The following PLEK2 variants were observed in gnomAD, a reference collection of about 807,000 sequenced individuals.
PLEK2 encodes pleckstrin 2.
PLEK2 carries 29 observed loss-of-function variants against 43.8 expected under a neutral mutation model. The ratio of observed to expected loss-of-function variants is 0.66; its 90% CI spans 0.49 to 0.90. The LOEUF is 0.90. Ranked by LOEUF, PLEK2 falls within the 40% of genes least tolerant of loss-of-function variation. PLEK2 has a pLI of 0.00. For missense variants in PLEK2, 398 were observed against 448.1 expected, an observed-to-expected ratio of 0.89 and a Z score of 1.01; for synonymous variants, 162 against 173.2, an observed-to-expected ratio of 0.94 and a Z score of 0.51.
rs752820733 is a variant in PLEK2 at position 67,392,680 on chromosome 14, G to A, written c.651C>T (p.Ser217=). 10 of 1,613,966 alleles carry A rather than the reference G, an allele frequency of 6.2e-6. No individual in the cohort carries two copies. The highest frequency in any genetic ancestry group is 7.6e-6 in the Non-Finnish European group (9 of 1,179,834). The part of the protein sequence containing the change: ...GDLAEQFLDD[S]TALYTFAESY... Reference sequence around the variant, plus strand: ...AACTTACAAAAGTGTACAGGGCTGTGGAGTCATCCAGGAACTGCTCGGCCA... The same window carrying A: ...AACTTACAAAAGTGTACAGGGCTGTAGAGTCATCCAGGAACTGCTCGGCCA... Residue 217 remains serine, a synonymous_variant, in exon 5 of 9, where the codon TCC becomes TCT. Transcript: ENST00000216446.
chr14:67,411,340 T>C (rs898378967), intron 1 of PLEK2, among the ~76,000 whole-genome samples: 3 of 152,102 alleles, frequency 2.0e-5, no homozygotes, highest in African/African-American at 7.2e-5. Flanking sequence ...TCCCAGCTAT[T>C]ACTGGCTCTG....
chr14:67,396,911 T>C (rs2086014514), intron 2 of PLEK2, among the ~76,000 whole-genome samples: 1 of 152,170 alleles, frequency 6.6e-6, no homozygotes, highest in Non-Finnish European at 1.5e-5. Flanking sequence ...TCTTGGCACA[T>C]GATGGGCCCT....
intron 7 of PLEK2, among the ~76,000 whole-genome samples, chr14:67,389,926 T>G (rs963098681): frequency 1.5e-4 from 23 of 152,200 alleles, no homozygotes; most frequent in African/African-American, 5.3e-4. Context: ...TTTTGGAGGC[T>G]CCTCCTGCCA....
Position 67,392,763 on chromosome 14 carries a change from C to G in PLEK2, c.568G>C (p.Glu190Gln). The G allele has an allele frequency of 1.2e-6, 2 of 1,614,052 alleles. No individual in the cohort carries two copies. Among genetic ancestry groups the G allele is most frequent in the Non-Finnish European group, 1.7e-6 (2 of 1,179,902 alleles). Residue 190 changes from glutamate (E) to glutamine (Q), a missense_variant, in exon 5 of 9, where the codon GAG (glutamate) becomes CAG (glutamine). Physicochemically the swap from Glu to Gln is conservative, Grantham distance 29. Transcript: ENST00000216446. ...ACACCCACAGGCCTGAGGAAGTTCT[C>G]CTCCATGAGCATGGAGGCCAGGGTC... Reference protein sequence around the residue: ...AVTLASMLMEENFLRPVGVRS... With the variant: ...AVTLASMLMEQNFLRPVGVRS...
chr14:67,390,420 TAA>T (rs2085957753), intron 7 of PLEK2, among the ~76,000 whole-genome samples: 1 of 152,092 alleles, frequency 6.6e-6, no homozygotes, highest in Non-Finnish European at 1.5e-5. Context: ...CTGAAAATGA[TAA>T]AGATGCCCTC....
chr14:67,397,515 T>C (rs1415192749), intron 2 of PLEK2, 147 bp downstream of exon 2: 29 of 629,860 alleles, frequency 4.6e-5, no homozygotes, highest in Non-Finnish European at 7.6e-5. Flanking sequence ...CTCACATACC[T>C]GGTATGTGGC....
At chr14:67,402,347 G>C (rs2086054164) in intron 1 of PLEK2, among the ~76,000 whole-genome samples, 1 of 151,978 alleles carries the variant, frequency 6.6e-6, no homozygotes, top group Non-Finnish European at 1.5e-5. Context: ...TTTTGATACA[G>C]GCATACATTG....
intron 1 of PLEK2, among the ~76,000 whole-genome samples, chr14:67,404,613 C>T (rs2086067492): frequency 6.6e-6 from 1 of 151,912 alleles, no homozygotes; most frequent in Non-Finnish European, 1.5e-5. Context: ...ACTTCAAGAC[C>T]AGCTTGGACA....
chr14:67,401,852 G>A (rs577609831), intron 1 of PLEK2, among the ~76,000 whole-genome samples: 6 of 152,266 alleles, frequency 3.9e-5, no homozygotes, highest in South Asian at 2.1e-4. Flanking sequence ...AGGCCGGCGC[G>A]GTGGCTCACG....
At chr14:67,388,094 T>G (rs2085939735) in intron 8 of PLEK2, 130 bp downstream of exon 8, 1 of 611,848 alleles carries the variant, frequency 1.6e-6, no homozygotes, top group Non-Finnish European at 3.0e-6. Context: ...ACTTCAAAAC[T>G]CACACCACTC....
chr14:67,405,224 CAAAAA>C (rs770594121), intron 1 of PLEK2, among the ~76,000 whole-genome samples: 1 of 40,482 alleles, frequency 2.5e-5, no homozygotes, highest in African/African-American at 8.9e-5. Flanking sequence ...GAGTCCATCT[CAAAAA>C]AAAAAAAAAA....
chr14:67,411,590 T>C (rs1439890070), intron 1 of PLEK2, among the ~76,000 whole-genome samples: 1 of 152,152 alleles, frequency 6.6e-6, no homozygotes, highest in Non-Finnish European at 1.5e-5. Flanking sequence ...GAGGATGACA[T>C]GAGACAATAT....
At chr14:67,398,977 C>A (rs1301977607) in intron 1 of PLEK2, among the ~76,000 whole-genome samples, 1 of 152,184 alleles carries the variant, frequency 6.6e-6, no homozygotes, top group Non-Finnish European at 1.5e-5. Flanking sequence ...TTGTTTGTAA[C>A]TGAGGTTGTT....
In PLEK2 at chr14:67,400,352, C is replaced by T. The variant is rs923347226; in HGVS notation, c.43-2526G>A. On this transcript the variant is annotated intron_variant, in intron 1 of 8. Transcript: ENST00000216446. Reference sequence around the variant, plus strand: ...ACATTTTTGCTCTCTTCACTTTGTTCCTTACTTACATCCACATGTAGTATG... The same window carrying T: ...ACATTTTTGCTCTCTTCACTTTGTTTCTTACTTACATCCACATGTAGTATG... Among the ~76,000 whole-genome samples, 8 of 152,320 alleles carry T rather than the reference C, an allele frequency of 5.3e-5. No homozygotes were observed. The South Asian group carries it at 1.7e-3, about 32-fold the overall frequency.
intron 7 of PLEK2, among the ~76,000 whole-genome samples, chr14:67,389,002 G>C (rs760198378): frequency 8.6e-5 from 13 of 151,652 alleles, no homozygotes; most frequent in Non-Finnish European, 1.8e-4. Flanking sequence ...CTGCAAAGTT[G>C]ATAGATTCCT....
At position 67,389,643 on chromosome 14, in the gene PLEK2, C is replaced by T. The variant is rs1292061911; in HGVS notation, c.855+1020G>A. Among the ~76,000 whole-genome samples, 8 of 151,894 alleles carry T rather than the reference C, an allele frequency of 5.3e-5. No individual in the cohort carries two copies. In the South Asian group the frequency reaches 1.2e-3, roughly 24 times the overall value. ...ATTTATAGATAGGTGTGTATAGGCA[C>T]GTATGTGTGTGTATATATTTTCTCA... On this transcript the variant is annotated intron_variant, in intron 7 of 8. Coordinates refer to ENST00000216446, the MANE Select transcript of PLEK2 (RefSeq NM_016445.3).
intron 2 of PLEK2, among the ~76,000 whole-genome samples, chr14:67,396,246 C>G (rs1270807430): frequency 2.0e-5 from 3 of 151,952 alleles, no homozygotes; most frequent in Non-Finnish European, 2.9e-5. Flanking sequence ...CTCCCAGGTT[C>G]AAGCAATTCT....
chr14:67,388,320 C>G lies in PLEK2; in HGVS notation c.856-18G>C, dbSNP rs368966949. On this transcript the variant is annotated intron_variant, in intron 7 of 8. Transcript: ENST00000216446. The stretch of plus-strand genomic sequence containing the variant: ...TTCTCTTCCTGTAGAGGAAAGGAGA[C>G]CCAATTAGGAATTTGTGAATGAACA... 16 of 1,544,756 alleles carry G rather than the reference C, an allele frequency of 1.0e-5. No homozygotes were observed. The highest frequency in any genetic ancestry group is 2.7e-6 in the Non-Finnish European group (3 of 1,117,064).
At chr14:67,398,445 A>C (rs575087052) in intron 1 of PLEK2, among the ~76,000 whole-genome samples, 2 of 152,208 alleles carry the variant, frequency 1.3e-5, no homozygotes, top group Non-Finnish European at 2.9e-5. Context: ...CATTGGCTCT[A>C]CCACCCACCT....
Sources: gnomAD v4.1 joint callset for allele counts (sites outside exome capture counted in the v4.1 genomes callset) on GRCh38, gnomAD v4.1.1 for gene constraint, MANE v1.5 for transcripts, NCBI Gene and HGNC (gene_info 2026-07-23, HGNC 2026-07-21) for gene names.